The following MORC3 variants were observed in gnomAD, a reference collection of about 807,000 sequenced individuals.
MORC3 encodes the protein MORC family CW-type zinc finger protein 3.
In MORC3, 31 loss-of-function variants were observed where a neutral mutation model predicts 109.1. The observed-to-expected ratio is 0.28, with a 90% CI of 0.21 to 0.38. The LOEUF (loss-of-function observed/expected upper bound fraction) is 0.38, where lower values mean the gene tolerates loss of function less well. Among genes scored for constraint, MORC3 ranks in the 10% least tolerant of loss-of-function variants. The probability of loss-of-function intolerance (pLI) is 1.00; values close to 1 mark genes in which losing one functional copy is unlikely to be tolerated. For missense variants in MORC3, 867 were observed against 1,135.8 expected, an observed-to-expected ratio of 0.76 and a Z score of 3.40; for synonymous variants, 395 against 380.7, an observed-to-expected ratio of 1.04 and a Z score of -0.44.
chr21:36,374,525 TG>T (rs2085907370), intron 16 of MORC3, among the ~76,000 whole-genome samples: 1 of 152,194 alleles, frequency 6.6e-6, no homozygotes, highest in South Asian at 2.1e-4. Context: ...CTAAGCATGG[TG>T]GTTCATGCCT....
At position 36,320,261 on chromosome 21, in the gene MORC3, C is replaced by T. The variant is rs553433937; in HGVS notation, c.-4C>T. The stretch of plus-strand genomic sequence containing the variant: ...GCCGTTCCTGGCTTTGTAGCTCGCT[C>T]AAGATGGCGGCGCAGCCACCCCGCG... On this transcript the variant is annotated 5_prime_UTR_variant, in exon 1 of 17. Coordinates refer to ENST00000400485, the MANE Select transcript of MORC3 (RefSeq NM_015358.3). The T allele has an allele frequency of 4.4e-6, 7 of 1,579,914 alleles. No homozygotes were observed. Among genetic ancestry groups the T allele is most frequent in the Non-Finnish European group, 3.4e-6 (4 of 1,164,456 alleles).
At position 36,320,313 on chromosome 21, in the gene MORC3, C is replaced by T. The variant is rs769181618; in HGVS notation, c.39+10C>T. 78 of 1,517,558 alleles carry T rather than the reference C, an allele frequency of 5.1e-5. No individual in the cohort carries two copies. The highest frequency in any genetic ancestry group is 6.7e-5 in the Non-Finnish European group (76 of 1,129,296). 94.0% of individuals were successfully genotyped at this position (1,517,558 alleles called of 1,614,324 possible). A position where few individuals can be genotyped will look rare whatever the true frequency, so the allele number is the denominator to read the frequency against. ...GATACGCCTCAGCGCGGTGAGCAGCCGCGAGGGGTGGAGCGGGCCGTGTCC... is the reference window on the plus strand; with the variant it reads ...GATACGCCTCAGCGCGGTGAGCAGCTGCGAGGGGTGGAGCGGGCCGTGTCC... On this transcript the variant is annotated intron_variant, in intron 1 of 16. Transcript: ENST00000400485.
At chr21:36,327,349 G>A (rs1298549669) in intron 1 of MORC3, among the ~76,000 whole-genome samples, 2 of 144,770 alleles carry the variant, frequency 1.4e-5, no homozygotes, top group Admixed American at 1.3e-4. Flanking sequence ...GTAGAGACGG[G>A]GTTTTGCCAT....
At chr21:36,341,034 T>C (rs1215096196) in intron 5 of MORC3, among the ~76,000 whole-genome samples, 1 of 152,228 alleles carries the variant, frequency 6.6e-6, no homozygotes. Flanking sequence ...TTTTGGGATA[T>C]TACAAATAAA....
rs148592625 is a variant in MORC3, at chr21:36,360,658, G to A, written c.1406+400G>A. The A allele has an allele frequency of 7.3e-4, 150 of 206,206 alleles. 1 individual carries two copies. The highest frequency in any genetic ancestry group is 3.4e-3 in the African/African-American group (147 of 42,768). The allele number at this position is 206,206 out of a possible 1,614,324, so 12.8% of individuals were successfully genotyped here. Reference sequence around the variant, plus strand: ...TGTAAGGAAGCTCATAGGGAGAGTAGTTCTGTCTGGTGGGCAGGAGAGCAG... The same window carrying A: ...TGTAAGGAAGCTCATAGGGAGAGTAATTCTGTCTGGTGGGCAGGAGAGCAG... On this transcript the variant is annotated intron_variant, in intron 12 of 16. Transcript: ENST00000400485.
chr21:36,352,026 T>C (rs1443712498), intron 9 of MORC3, among the ~76,000 whole-genome samples: 2 of 152,182 alleles, frequency 1.3e-5, no homozygotes, highest in African/African-American at 4.8e-5. Context: ...AAAATATTGG[T>C]AAATACCATC....
At chr21:36,360,519 C>A in intron 12 of MORC3, 1 of 410,966 alleles carries the variant, frequency 2.4e-6, no homozygotes, top group Non-Finnish European at 4.1e-6. Flanking sequence ...GCAGAGGAAT[C>A]ATTAGTGAAT....
At position 36,320,320 on chromosome 21, in the gene MORC3, G is replaced by A. The variant is rs748528099; in HGVS notation, c.39+17G>A. ...CTCAGCGCGGTGAGCAGCCGCGAGG[G>A]GTGGAGCGGGCCGTGTCCCAGGAGG... On this transcript the variant is annotated intron_variant, in intron 1 of 16. Coordinates refer to ENST00000400485, the MANE Select transcript of MORC3 (RefSeq NM_015358.3). 9.3e-6 allele frequency: 14 copies of A among 1,511,320 alleles called. No individual in the cohort carries two copies. In the South Asian group the frequency reaches 1.3e-4, roughly 15 times the overall value. 93.6% of individuals were successfully genotyped at this position (1,511,320 alleles called of 1,614,324 possible). A position where few individuals can be genotyped will look rare whatever the true frequency, so the allele number is the denominator to read the frequency against.
chr21:36,338,333 A>C (rs2085396265), intron 4 of MORC3, among the ~76,000 whole-genome samples: 1 of 152,226 alleles, frequency 6.6e-6, no homozygotes, highest in South Asian at 2.1e-4. Context: ...AGTTAGGAAT[A>C]ATAATCTGCT....
At chr21:36,359,625 G>C (rs1424418707) in intron 10 of MORC3, among the ~76,000 whole-genome samples, 1 of 114,374 alleles carries the variant, frequency 8.7e-6, no homozygotes, top group Non-Finnish European at 1.6e-5. Flanking sequence ...TCAGTAGCAT[G>C]ATTTTGCAAC....
Position 36,333,654 on chromosome 21 carries a change from G to A in MORC3, c.48G>A (p.Pro16=), listed in dbSNP as rs778244457. 44 of 1,612,520 alleles carry A rather than the reference G, an allele frequency of 2.7e-5. No individual in the cohort carries two copies. Among genetic ancestry groups the A allele is most frequent in the Middle Eastern group, 1.6e-4 (1 of 6,080 alleles). ...PRGIRLSALC[P]KFLHTNSTSH... is the part of the protein sequence containing the mutation. ...CCTTTTGTTTGTTTCAGCTTTGCCCGAAGTTTTTACATACAAATTCTACTA... is the reference window on the plus strand; with the variant it reads ...CCTTTTGTTTGTTTCAGCTTTGCCCAAAGTTTTTACATACAAATTCTACTA... Residue 16 remains proline, a synonymous_variant, in exon 2 of 17, where the codon CCG becomes CCA. Coordinates refer to ENST00000400485, the MANE Select transcript of MORC3 (RefSeq NM_015358.3).
chr21:36,359,556 C>CTTTTTTTTTTTTTTTT (rs5843757), intron 10 of MORC3, among the ~76,000 whole-genome samples: 6 of 93,952 alleles, frequency 6.4e-5, no homozygotes, highest in Admixed American at 4.3e-4. Flanking sequence ...CTTTCCTCTC[C>CTTTTTTTTTTTTTTTT]TTTTTTTTTT....
At position 36,375,659 on chromosome 21, in the gene MORC3, T is replaced by C. The variant is rs1389058995; in HGVS notation, c.*363T>C. The C allele has an allele frequency of 8.1e-5, 13 of 159,822 alleles. No homozygotes were observed. The Admixed American group carries it at 8.2e-4, about 10-fold the overall frequency. 9.9% of individuals were successfully genotyped at this position (159,822 alleles called of 1,614,324 possible). ...CAATTTTTTCTGGTTCCCCAAAGTGTATTTTTCTCTAAGTCGAGGGCTATG... is the reference window on the plus strand; with the variant it reads ...CAATTTTTTCTGGTTCCCCAAAGTGCATTTTTCTCTAAGTCGAGGGCTATG... On this transcript the variant is annotated 3_prime_UTR_variant, in exon 17 of 17. Transcript: ENST00000400485.
chr21:36,344,481 C>T, intron 6 of MORC3, 98 bp from the exon 7 acceptor site: 1 of 1,347,652 alleles, frequency 7.4e-7, no homozygotes, highest in Non-Finnish European at 1.0e-6. Flanking sequence ...GTTAATTGAT[C>T]TTTTATCAAG....
At chr21:36,323,787 G>C (rs139980439) in intron 1 of MORC3, among the ~76,000 whole-genome samples, 3 of 151,742 alleles carry the variant, frequency 2.0e-5, no homozygotes, top group Admixed American at 1.3e-4. Context: ...AATTTTCTTC[G>C]CACCATTTTT....
At chr21:36,336,569 C>T (rs1401426203) in intron 2 of MORC3, among the ~76,000 whole-genome samples, 1 of 152,202 alleles carries the variant, frequency 6.6e-6, no homozygotes. Flanking sequence ...ATCATCTCTG[C>T]AGTGTAGTGA....
chr21:36,352,305 C>T (rs985185152), intron 9 of MORC3, among the ~76,000 whole-genome samples: 1 of 150,418 alleles, frequency 6.6e-6, no homozygotes, highest in Non-Finnish European at 1.5e-5. Context: ...CAATTGATAG[C>T]TTTCCTTAGA....
chr21:36,362,120 C>T, intron 12 of MORC3, 63 bp from the exon 13 acceptor site: 1 of 1,523,348 alleles, frequency 6.6e-7, no homozygotes, highest in Non-Finnish European at 9.1e-7. Context: ...GCATAAATGG[C>T]AGGTATGTCA....
rs978672519 is a variant in MORC3, at chr21:36,376,255, T to G, written c.*959T>G. The G allele has an allele frequency of 2.2e-4, 33 of 152,646 alleles. No homozygotes were observed. The highest frequency in any genetic ancestry group is 7.7e-4 in the African/African-American group (32 of 41,474). The allele number at this position is 152,646 out of a possible 1,614,324, so 9.5% of individuals were successfully genotyped here. A position where few individuals can be genotyped will look rare whatever the true frequency, so the allele number is the denominator to read the frequency against. On this transcript the variant is annotated 3_prime_UTR_variant, in exon 17 of 17. Coordinates refer to ENST00000400485, the MANE Select transcript of MORC3 (RefSeq NM_015358.3). ...CATGCCATAAAATACTATGCTTTAT[T>G]GGTCCCATGTTTTGTGCAATTTTAA...
Sources: gnomAD v4.1 joint callset for allele counts (sites outside exome capture counted in the v4.1 genomes callset) on GRCh38, gnomAD v4.1.1 for gene constraint, MANE v1.5 for transcripts, NCBI Gene and HGNC (gene_info 2026-07-23, HGNC 2026-07-21) for gene names.